Variants in PROM1 observed in about 807,000 individuals in gnomAD.
PROM1 encodes the protein prominin-1.
A neutral mutation model predicts 116.9 loss-of-function variants in PROM1; 105 were observed. The ratio of observed to expected loss-of-function variants is 0.90; its 90% CI spans 0.77 to 1.06. PROM1 has a LOEUF of 1.06. PROM1 is among the 50% of genes least tolerant of loss of function. The probability of loss-of-function intolerance (pLI) is 0.00; values close to 1 mark genes in which losing one functional copy is unlikely to be tolerated. For synonymous variants in PROM1, 393 were observed against 387.0 expected, an observed-to-expected ratio of 1.02 and a Z score of -0.18; for missense variants, 1,122 against 1,045.2, an observed-to-expected ratio of 1.07 and a Z score of -1.01.
chr4:16,056,686 C>T lies in PROM1; in HGVS notation c.221-17685G>A, dbSNP rs73232519. 5.0e-3 allele frequency among the ~76,000 whole-genome samples: 762 copies of T among 151,394 alleles called. 3 individuals are homozygous for T. Among genetic ancestry groups the T allele is most frequent in the Non-Finnish European group, 8.0e-3 (546 of 67,868 alleles). On this transcript the variant is annotated intron_variant, in intron 2 of 27. Transcript: ENST00000447510. ...AAATCGAAAGAAGAAAAAAAAGAAACGAGCCATGCAGAAGAGTCGTCCAGG... is the reference window on the plus strand; with the variant it reads ...AAATCGAAAGAAGAAAAAAAAGAAATGAGCCATGCAGAAGAGTCGTCCAGG...
At chr4:16,068,065 G>A (rs537050356) in intron 2 of PROM1, among the ~76,000 whole-genome samples, 1 of 152,276 alleles carries the variant, frequency 6.6e-6, no homozygotes, top group South Asian at 2.1e-4. Context: ...GGTAGGGGAG[G>A]AGGCAGAGTA....
intron 26 of PROM1, among the ~76,000 whole-genome samples, chr4:15,973,369 C>T (rs1715154500): frequency 6.6e-6 from 1 of 152,170 alleles, no homozygotes; most frequent in South Asian, 2.1e-4. Flanking sequence ...ATCGCTTGAA[C>T]CCAGGAGGTG....
At chr4:15,982,362 C>T (rs1718188352) in intron 23 of PROM1, among the ~76,000 whole-genome samples, 1 of 152,190 alleles carries the variant, frequency 6.6e-6, no homozygotes. Flanking sequence ...TTTGTTCCCC[C>T]TTCCCTCTAT....
chr4:16,004,963 C>CT (rs144360637), intron 13 of PROM1, among the ~76,000 whole-genome samples: 1,617 of 83,136 alleles, frequency 0.019, 67 homozygotes, highest in African/African-American at 0.044. Flanking sequence ...CTCGCTCTCT[C>CT]TTTTTTTTTT....
At chr4:16,009,999 C>A (rs925873) in intron 11 of PROM1, among the ~76,000 whole-genome samples, 4,654 of 127,668 alleles carry the variant, frequency 0.036, 238 homozygotes, top group African/African-American at 0.13. Context: ...ATTTAAAAAA[C>A]AAACAAACAA....
At chr4:16,002,481 G>A (rs141765766) in intron 13 of PROM1, among the ~76,000 whole-genome samples, 8 of 152,234 alleles carry the variant, frequency 5.3e-5, no homozygotes, top group East Asian at 1.9e-4. Context: ...GCTGATGCTC[G>A]CAATCACCAC....
In PROM1 at chr4:16,061,987, G is replaced by A. The variant is rs550753888; in HGVS notation, c.220+13700C>T. Among the ~76,000 whole-genome samples the A allele has an allele frequency of 1.2e-4, 18 of 148,808 alleles. No homozygotes were observed. The South Asian group carries it at 3.8e-3, about 32-fold the overall frequency. Reference sequence around the variant, plus strand: ...ACTCACTGCAAGCTCCGCCTCCCGGGTTCACACCATTCTCCTGCCTCAGCC... The same window carrying A: ...ACTCACTGCAAGCTCCGCCTCCCGGATTCACACCATTCTCCTGCCTCAGCC... On this transcript the variant is annotated intron_variant, in intron 2 of 27. Coordinates refer to ENST00000447510, the MANE Select transcript of PROM1 (RefSeq NM_006017.3).
intron 2 of PROM1, among the ~76,000 whole-genome samples, chr4:16,041,773 A>ATATATATATATAT (rs1735315257): frequency 2.6e-5 from 1 of 38,880 alleles, no homozygotes; most frequent in African/African-American, 6.9e-5. Flanking sequence ...TAAATAAATA[A>ATATATATATATAT]ATAAATAAAT....
At chr4:15,996,258 C>T (rs1722297857) in intron 15 of PROM1, among the ~76,000 whole-genome samples, 1 of 152,132 alleles carries the variant, frequency 6.6e-6, no homozygotes, top group South Asian at 2.1e-4. Flanking sequence ...GCCTGTAATC[C>T]CAACACTTTG....
intron 27 of PROM1, among the ~76,000 whole-genome samples, chr4:15,969,682 G>C (rs1396580977): frequency 6.6e-6 from 1 of 152,088 alleles, no homozygotes. Context: ...CGTCTCCCGG[G>C]TTTAAGCCTC....
chr4:15,998,608 G>T, intron 14 of PROM1, 120 bp from the exon 15 acceptor site: 2 of 1,115,372 alleles, frequency 1.8e-6, no homozygotes, highest in Non-Finnish European at 1.2e-6. Context: ...TTATTTTTCT[G>T]GTTGATTTCC....
intron 18 of PROM1, among the ~76,000 whole-genome samples, chr4:15,990,809 C>G (rs774397402): frequency 6.6e-6 from 1 of 152,228 alleles, no homozygotes; most frequent in Non-Finnish European, 1.5e-5. Context: ...AGTTACCACT[C>G]ATTTTCTAGC....
intron 2 of PROM1, among the ~76,000 whole-genome samples, chr4:16,059,886 TA>T (rs1344282945): frequency 6.6e-6 from 1 of 152,124 alleles, no homozygotes; most frequent in African/African-American, 2.4e-5. Flanking sequence ...GTAAGACTGT[TA>T]GGGGTAGATC....
intron 10 of PROM1, among the ~76,000 whole-genome samples, chr4:16,014,327 G>C (rs957635324): frequency 2.6e-5 from 4 of 152,164 alleles, no homozygotes; most frequent in Non-Finnish European, 5.9e-5. Context: ...GCTTGTGTTG[G>C]TTTTCTATAT....
intron 26 of PROM1, 54 bp from the exon 27 acceptor site, chr4:15,971,136 TTTC>T: frequency 1.4e-6 from 2 of 1,455,566 alleles, no homozygotes; most frequent in South Asian, 2.4e-5. Context: ...CTGTGGGTGG[TTTC>T]ATCACCTCTG....
chr4:15,998,950 G>A (rs1723005239), intron 14 of PROM1, among the ~76,000 whole-genome samples: 1 of 152,026 alleles, frequency 6.6e-6, no homozygotes, highest in Non-Finnish European at 1.5e-5. Flanking sequence ...GGCTGATCTT[G>A]AATTCCTGAC....
At chr4:16,067,656 T>C (rs947328598) in intron 2 of PROM1, among the ~76,000 whole-genome samples, 3 of 152,214 alleles carry the variant, frequency 2.0e-5, no homozygotes, top group Non-Finnish European at 2.9e-5. Context: ...ATGAGTCACA[T>C]GTTCTAAAGG....
chr4:15,979,815 C>T (rs1308060350), intron 25 of PROM1, 66 bp downstream of exon 25: 3 of 1,294,058 alleles, frequency 2.3e-6, no homozygotes, highest in Non-Finnish European at 3.2e-6. Context: ...TTTTTAAAGT[C>T]CATTACATAA....
intron 5 of PROM1, among the ~76,000 whole-genome samples, chr4:16,029,382 C>A (rs1317047049): frequency 6.6e-6 from 1 of 150,438 alleles, no homozygotes; most frequent in African/African-American, 2.5e-5. Context: ...CCTTCCATAA[C>A]CTTTATGAGA....
Sources: gnomAD v4.1 joint callset for allele counts (sites outside exome capture counted in the v4.1 genomes callset) on GRCh38, gnomAD v4.1.1 for gene constraint, MANE v1.5 for transcripts, NCBI Gene and HGNC (gene_info 2026-07-23, HGNC 2026-07-21) for gene names.